FBXL20: variants seen among roughly 807,000 people sequenced by gnomAD.
FBXL20 encodes F-box/LRR-repeat protein 20.
Under a neutral mutation model 64.0 loss-of-function variants are expected in FBXL20, and 11 were observed. That is an observed-to-expected ratio of 0.17 (90% CI 0.11 to 0.28). The LOEUF (loss-of-function observed/expected upper bound fraction) is 0.28, where lower values mean the gene tolerates loss of function less well. Among genes scored for constraint, FBXL20 ranks in the 10% least tolerant of loss-of-function variants. The pLI, the probability that FBXL20 is intolerant of heterozygous loss-of-function variation, is 1.00. For missense variants in FBXL20, 303 were observed against 526.2 expected (o/e 0.58, Z 4.15); for synonymous variants, 184 against 189.0 (o/e 0.97, Z 0.22).
At chr17:39,373,999 A>G (rs1302138196) in intron 1 of FBXL20, among the ~76,000 whole-genome samples, 1 of 152,058 alleles carries the variant, frequency 6.6e-6, no homozygotes, top group Non-Finnish European at 1.5e-5. Context: ...AGGAAGGTGG[A>G]TCATTTGAAG....
chr17:39,352,093 TCA>T (rs1275708923), intron 1 of FBXL20, among the ~76,000 whole-genome samples: 1 of 152,184 alleles, frequency 6.6e-6, no homozygotes, highest in Admixed American at 6.5e-5. Flanking sequence ...TTTCTAAATC[TCA>T]GTTTGACACA....
chr17:39,295,329 T>A (rs984932930), intron 6 of FBXL20, among the ~76,000 whole-genome samples: 2 of 152,276 alleles, frequency 1.3e-5, no homozygotes, highest in East Asian at 3.9e-4. Flanking sequence ...TACAGTAGTG[T>A]GATCTCAGCT....
intron 11 of FBXL20, among the ~76,000 whole-genome samples, chr17:39,269,165 C>A (rs112935838): frequency 2.6e-5 from 4 of 152,040 alleles, no homozygotes; most frequent in African/African-American, 9.6e-5. Flanking sequence ...AATGTGCCAC[C>A]ACACCTGGCT....
intron 2 of FBXL20, among the ~76,000 whole-genome samples, chr17:39,316,984 A>T (rs1325538044): frequency 1.3e-5 from 2 of 152,220 alleles, no homozygotes; most frequent in African/African-American, 4.8e-5. Context: ...GTGAGACTCC[A>T]TCTCATTTAA....
intron 1 of FBXL20, 118 bp from the exon 2 acceptor site, chr17:39,343,359 T>C (rs1451966567): frequency 1.5e-5 from 9 of 601,048 alleles, no homozygotes; most frequent in Middle Eastern, 3.5e-4. Context: ...GTCGGCATCA[T>C]AAACCAAAGT....
In FBXL20 at chr17:39,401,419, G is replaced by A; in HGVS notation, c.-17C>T. On this transcript the variant is annotated 5_prime_UTR_variant, in exon 1 of 15. Transcript: ENST00000264658. ...CCTCCTCATGGGGCCGGCGGGTGCG[G>A]CCCGGGCCGGGCGCTGCGGCGAGCG... is the stretch of plus-strand genomic sequence containing the variant. The A allele has an allele frequency of 6.3e-7, 1 of 1,589,586 alleles. No homozygotes were observed. The highest frequency in any genetic ancestry group is 8.6e-7 in the Non-Finnish European group (1 of 1,169,584).
In FBXL20 at chr17:39,265,467, C is replaced by T. The variant is rs779404581; in HGVS notation, c.934-14G>A. ...GCTATCTGTTATCTGAAAGAAATAA[C>T]GTATGTTGATTTTAGGTATAATCCA... is the stretch of plus-strand genomic sequence containing the variant. On this transcript the variant is annotated splice_polypyrimidine_tract_variant and intron_variant, in intron 12 of 14. Transcript: ENST00000264658. 3.5e-5 allele frequency: 56 copies of T among 1,584,962 alleles called. No homozygotes were observed. The highest frequency in any genetic ancestry group is 5.0e-5 in the Admixed American group (3 of 59,850).
At position 39,256,475 on chromosome 17, in the gene FBXL20, C is replaced by G. The variant is rs2046696825; in HGVS notation, c.*4985G>C. 1 of 152,126 alleles carries G rather than the reference C, an allele frequency of 6.6e-6. No homozygotes were observed. Among genetic ancestry groups the G allele is most frequent in the African/African-American group, 2.4e-5 (1 of 41,426 alleles). 9.4% of individuals were successfully genotyped at this position (152,126 alleles called of 1,614,324 possible). On this transcript the variant is annotated 3_prime_UTR_variant, in exon 15 of 15. Transcript: ENST00000264658. ...AATTCCAACCAAACATCCTACATTT[C>G]TTCTCAAACAGGACTTGGCTAATTC...
intron 1 of FBXL20, among the ~76,000 whole-genome samples, chr17:39,381,437 G>A (rs1016822410): frequency 7.0e-6 from 1 of 142,866 alleles, no homozygotes; most frequent in South Asian, 2.2e-4. Flanking sequence ...ACAAGATCGT[G>A]CCACTGCACT....
intron 1 of FBXL20, among the ~76,000 whole-genome samples, chr17:39,387,736 C>G (rs1456128793): frequency 2.0e-5 from 3 of 151,968 alleles, no homozygotes; most frequent in African/African-American, 7.3e-5. Context: ...CACCATCATG[C>G]CCAGCTAATT....
At chr17:39,337,769 G>A (rs1235381428) in intron 2 of FBXL20, among the ~76,000 whole-genome samples, 1 of 151,830 alleles carries the variant, frequency 6.6e-6, no homozygotes, top group Non-Finnish European at 1.5e-5. Flanking sequence ...CATCCGGGAG[G>A]GAGGTGGGGG....
At chr17:39,371,581 T>C (rs1431382480) in intron 1 of FBXL20, among the ~76,000 whole-genome samples, 1 of 152,166 alleles carries the variant, frequency 6.6e-6, no homozygotes, top group African/African-American at 2.4e-5. Context: ...TCCTCTGGGA[T>C]TGGGGTCCTA....
In FBXL20 at chr17:39,386,152, G is replaced by GCTAACA. The variant is rs569921801; in HGVS notation, c.42+15203_42+15208dup. 6.3e-3 allele frequency among the ~76,000 whole-genome samples: 944 copies of GCTAACA among 150,598 alleles called. 17 individuals are homozygous for GCTAACA. Among genetic ancestry groups the GCTAACA allele is most frequent in the African/African-American group, 0.022 (903 of 40,910 alleles). ...AGGTCAGGACATCCAGACTACCATG[G>GCTAACA]CTAACACAGTGAAACCCGGTGGTAC... On this transcript the variant is annotated intron_variant, in intron 1 of 14. Coordinates refer to ENST00000264658, the MANE Select transcript of FBXL20 (RefSeq NM_032875.3).
chr17:39,273,024 G>A (rs921544977), intron 10 of FBXL20, among the ~76,000 whole-genome samples: 1 of 152,108 alleles, frequency 6.6e-6, no homozygotes, highest in African/African-American at 2.4e-5. Context: ...TTTTGATATT[G>A]TAGGCAAAAG....
intron 6 of FBXL20, among the ~76,000 whole-genome samples, chr17:39,293,307 C>T (rs886799525): frequency 6.6e-6 from 1 of 151,894 alleles, no homozygotes; most frequent in Non-Finnish European, 1.5e-5. Context: ...CTGCAACCTC[C>T]GCATCCTGGG....
At position 39,308,517 on chromosome 17, in the gene FBXL20, T is replaced by C. The variant is rs538589653; in HGVS notation, c.105-4878A>G. 3.4e-3 allele frequency among the ~76,000 whole-genome samples: 513 copies of C among 152,074 alleles called. 2 individuals carry two copies. Among genetic ancestry groups the C allele is most frequent in the Non-Finnish European group, 5.5e-3 (373 of 67,996 alleles). ...CTTAAAAAAAGAAAAAAAAATAGGT[T>C]TCTATTAGAATGGTGGGAAATAAAA... On this transcript the variant is annotated intron_variant, in intron 2 of 14. Coordinates refer to ENST00000264658, the MANE Select transcript of FBXL20 (RefSeq NM_032875.3).
chr17:39,376,050 C>T (rs1448196405), intron 1 of FBXL20, among the ~76,000 whole-genome samples: 2 of 151,976 alleles, frequency 1.3e-5, no homozygotes, highest in Admixed American at 6.6e-5. Context: ...ACCCAGGAGG[C>T]GGAGGTTGCA....
intron 1 of FBXL20, among the ~76,000 whole-genome samples, chr17:39,365,546 T>C (rs777905812): frequency 1.1e-4 from 17 of 152,236 alleles, no homozygotes; most frequent in African/African-American, 7.2e-5. Flanking sequence ...TTCTAACATC[T>C]GACTCAATAT....
chr17:39,328,946 C>T (rs1026303348), intron 2 of FBXL20, among the ~76,000 whole-genome samples: 3 of 152,054 alleles, frequency 2.0e-5, no homozygotes, highest in African/African-American at 7.2e-5. Context: ...CCCAGCTACT[C>T]AGGAGACAGA....
Sources: gnomAD v4.1 joint callset for allele counts (sites outside exome capture counted in the v4.1 genomes callset) on GRCh38, gnomAD v4.1.1 for gene constraint, MANE v1.5 for transcripts, NCBI Gene and HGNC (gene_info 2026-07-23, HGNC 2026-07-21) for gene names.